ASXL3: variants seen among roughly 807,000 people sequenced by gnomAD.
ASXL3 encodes the protein putative Polycomb group protein ASXL3.
ASXL3 carries 34 observed loss-of-function variants against 170.6 expected under a neutral mutation model. That is an observed-to-expected ratio of 0.20 (90% CI 0.15 to 0.27). The LOEUF is 0.27. Ranked by LOEUF, ASXL3 falls within the 10% of genes least tolerant of loss-of-function variation. ASXL3 has a pLI of 1.00. For missense variants in ASXL3, 2,592 were observed against 2,695.3 expected, an observed-to-expected ratio of 0.96 and a Z score of 0.85; for synonymous variants, 1,002 against 989.1, an observed-to-expected ratio of 1.01 and a Z score of -0.24.
intron 8 of ASXL3, among the ~76,000 whole-genome samples, chr18:33,731,414 C>T (rs186862438): frequency 6.6e-6 from 1 of 152,104 alleles, no homozygotes; most frequent in South Asian, 2.1e-4. Flanking sequence ...TCATTATGTT[C>T]TGCTTCTACA....
intron 8 of ASXL3, among the ~76,000 whole-genome samples, chr18:33,705,568 T>A (rs2066942719): frequency 6.6e-6 from 1 of 151,826 alleles, no homozygotes; most frequent in South Asian, 2.1e-4. Flanking sequence ...CAGAAAAATA[T>A]AAGACCCACA....
intron 9 of ASXL3, among the ~76,000 whole-genome samples, chr18:33,733,029 G>C (rs145169981): frequency 6.1e-4 from 93 of 152,114 alleles, no homozygotes; most frequent in Non-Finnish European, 1.1e-3. Flanking sequence ...CTTGGGCTAC[G>C]TTTCTGCCAG....
rs1022281989 is a variant in ASXL3 at position 33,740,505 on chromosome 18, A to G, written c.3039+62A>G. 3.6e-6 allele frequency: 5 copies of G among 1,395,978 alleles called. No individual in the cohort carries two copies. The African/African-American group carries it at 7.3e-5, about 20-fold the overall frequency. 86.5% of individuals were successfully genotyped at this position (1,395,978 alleles called of 1,614,324 possible). On this transcript the variant is annotated intron_variant, in intron 11 of 11. Transcript: ENST00000269197. Reference sequence around the variant, plus strand: ...TAGGCTTTTCCTATTTAGAAGCCTAATTTTTCAAGAGTAATTAGATTTTCT... The same window carrying G: ...TAGGCTTTTCCTATTTAGAAGCCTAGTTTTTCAAGAGTAATTAGATTTTCT...
intron 5 of ASXL3, among the ~76,000 whole-genome samples, chr18:33,667,309 A>G (rs1344996043): frequency 1.3e-5 from 2 of 152,218 alleles, no homozygotes; most frequent in Non-Finnish European, 2.9e-5. Flanking sequence ...TAACAAAATC[A>G]GGAAACCCTT....
intron 1 of ASXL3, among the ~76,000 whole-genome samples, chr18:33,580,094 T>C (rs1599365546): frequency 6.6e-6 from 1 of 152,318 alleles, no homozygotes. Flanking sequence ...AGTGCCCAGG[T>C]CCCTTTACTT....
chr18:33,592,976 A>C (rs1005594328), intron 1 of ASXL3, among the ~76,000 whole-genome samples: 12 of 152,202 alleles, frequency 7.9e-5, no homozygotes, highest in Non-Finnish European at 1.2e-4. Flanking sequence ...TTACAAAATA[A>C]CTGCCTTTTC....
chr18:33,697,637 G>T (rs2066793672), intron 8 of ASXL3, among the ~76,000 whole-genome samples: 1 of 152,042 alleles, frequency 6.6e-6, no homozygotes, highest in Non-Finnish European at 1.5e-5. Context: ...ATGAGCACAG[G>T]ACACTGTTAC....
chr18:33,697,645 T>TA (rs2066793772), intron 8 of ASXL3, among the ~76,000 whole-genome samples: 1 of 152,082 alleles, frequency 6.6e-6, no homozygotes, highest in Admixed American at 6.6e-5. Context: ...AGGACACTGT[T>TA]ACCTCTATAC....
chr18:33,734,320 C>T lies in ASXL3; in HGVS notation c.987C>T (p.Thr329=). Residue 329 remains threonine (T), a synonymous_variant, in exon 10 of 12, where the codon ACC becomes ACT. Coordinates refer to ENST00000269197, the MANE Select transcript of ASXL3 (RefSeq NM_030632.3). The part of the protein sequence containing the change: ...WKQRLAEGEF[T]PEMQLRIRQE... ...GCATTTTCTTTTTAGGAGAGTTTAC[C>T]CCAGAAATGCAGTTGCGGATAAGGC... is the stretch of plus-strand genomic sequence containing the variant. The T allele has an allele frequency of 1.3e-6, 2 of 1,596,566 alleles. No individual in the cohort carries two copies. Among genetic ancestry groups the T allele is most frequent in the Non-Finnish European group, 1.7e-6 (2 of 1,172,742 alleles).
At chr18:33,636,598 G>C (rs1467813823) in intron 2 of ASXL3, among the ~76,000 whole-genome samples, 6 of 152,192 alleles carry the variant, frequency 3.9e-5, no homozygotes, top group Admixed American at 1.3e-4. Context: ...GAACGTAGTT[G>C]GGGCTTTGTG....
chr18:33,677,831 A>T (rs111704471), intron 7 of ASXL3, among the ~76,000 whole-genome samples: 64 of 152,212 alleles, frequency 4.2e-4, no homozygotes, highest in African/African-American at 1.3e-3. Context: ...CTTCTGATAG[A>T]TATTTTTCCC....
intron 1 of ASXL3, among the ~76,000 whole-genome samples, chr18:33,587,285 A>G (rs1275654947): frequency 2.6e-5 from 4 of 152,212 alleles, no homozygotes; most frequent in African/African-American, 9.6e-5. Flanking sequence ...GCAATCTTGT[A>G]GCAATTTCTA....
chr18:33,671,434 G>A (rs1186274928), intron 6 of ASXL3, among the ~76,000 whole-genome samples: 1 of 152,076 alleles, frequency 6.6e-6, no homozygotes, highest in Non-Finnish European at 1.5e-5. Context: ...TGTTGTCTCA[G>A]AATGGCATAG....
intron 1 of ASXL3, among the ~76,000 whole-genome samples, chr18:33,588,162 A>T (rs1276204984): frequency 2.0e-5 from 3 of 152,138 alleles, no homozygotes; most frequent in Non-Finnish European, 1.5e-5. Context: ...AATTATTTGA[A>T]GTATTTTAAG....
chr18:33,746,125 A>G lies in ASXL3; in HGVS notation c.6277A>G (p.Ser2093Gly). 1 of 1,613,832 alleles carries G rather than the reference A, an allele frequency of 6.2e-7. No individual in the cohort carries two copies. The highest frequency in any genetic ancestry group is 1.1e-5 in the South Asian group (1 of 91,078). The change falls in exon 12 of 12, where the codon AGC (serine) becomes GGC (glycine). Residue 2093 changes from serine (S) to glycine (G), a missense_variant. Physicochemically the swap from Ser to Gly is moderately conservative, Grantham distance 56. Transcript: ENST00000269197. ...PLSFEEGLSS[S>G]CELGMKQVSY... ...TTCTTTTGAGGAAGGTTTAAGCAGCAGCTGTGAACTGGGCATGAAACAAGT... is the reference window on the plus strand; with the variant it reads ...TTCTTTTGAGGAAGGTTTAAGCAGCGGCTGTGAACTGGGCATGAAACAAGT...
At chr18:33,607,910 C>T (rs1215137715) in intron 2 of ASXL3, among the ~76,000 whole-genome samples, 1 of 151,952 alleles carries the variant, frequency 6.6e-6, no homozygotes, top group Non-Finnish European at 1.5e-5. Flanking sequence ...TAACAAAGAA[C>T]AGCACTGTGT....
At chr18:33,591,485 C>A (rs1466291649) in intron 1 of ASXL3, among the ~76,000 whole-genome samples, 1 of 152,120 alleles carries the variant, frequency 6.6e-6, no homozygotes, top group African/African-American at 2.4e-5. Context: ...ATCCTTTCTC[C>A]AATTTTTATT....
chr18:33,643,760 T>C (rs7244803), intron 2 of ASXL3, among the ~76,000 whole-genome samples: 92,796 of 151,564 alleles, frequency 0.61, 29,192 homozygotes, highest in East Asian at 0.89. Flanking sequence ...TCTTTATCCT[T>C]GAAATTTGAA....
rs1333822317 is a variant in ASXL3, at chr18:33,751,042, T to C, written c.*4447T>C. On this transcript the variant is annotated 3_prime_UTR_variant, in exon 12 of 12. Transcript: ENST00000269197. Reference sequence around the variant, plus strand: ...ATTTCTTTTCTACAAAGAAAACAAGTGTTGCCTACAAAAGTGACTGCTCAC... The same window carrying C: ...ATTTCTTTTCTACAAAGAAAACAAGCGTTGCCTACAAAAGTGACTGCTCAC... 6.6e-6 allele frequency: 1 copy of C among 151,994 alleles called. No homozygotes were observed. The highest frequency in any genetic ancestry group is 2.4e-5 in the African/African-American group (1 of 41,320). The allele number at this position is 151,994 out of a possible 1,614,324, so 9.4% of individuals were successfully genotyped here.
Sources: gnomAD v4.1 joint callset for allele counts (sites outside exome capture counted in the v4.1 genomes callset) on GRCh38, gnomAD v4.1.1 for gene constraint, MANE v1.5 for transcripts, NCBI Gene and HGNC (gene_info 2026-07-23, HGNC 2026-07-21) for gene names.